Variants in PRORP observed in about 807,000 individuals in gnomAD.
The protein encoded by PRORP is protein only RNase P catalytic subunit.
PRORP carries 51 observed loss-of-function variants against 59.4 expected under a neutral mutation model. The ratio of observed to expected loss-of-function variants is 0.86; its 90% CI spans 0.69 to 1.08. PRORP has a LOEUF of 1.08. Among genes scored for constraint, PRORP ranks in the 50% least tolerant of loss-of-function variants. The probability of loss-of-function intolerance (pLI) is 0.00; values close to 1 mark genes in which losing one functional copy is unlikely to be tolerated. For synonymous variants in PRORP, 231 were observed against 245.6 expected (o/e 0.94, Z 0.55); for missense variants, 646 against 690.3 (o/e 0.94, Z 0.72).
intron 4 of PRORP, among the ~76,000 whole-genome samples, chr14:35,151,639 T>TACACACACACACAC (rs55940352): frequency 1.1e-3 from 152 of 141,834 alleles, no homozygotes; most frequent in African/African-American, 3.8e-3. Flanking sequence ...CACACACACA[T>TACACACACACACAC]ACACACACAC....
At chr14:35,271,601 C>A (rs184199782) in intron 7 of PRORP, among the ~76,000 whole-genome samples, 22 of 152,154 alleles carry the variant, frequency 1.4e-4, no homozygotes, top group African/African-American at 4.1e-4. Context: ...CAATTGAATT[C>A]TCCTTTGATT....
At chr14:35,136,774 T>C (rs1312334793) in intron 4 of PRORP, among the ~76,000 whole-genome samples, 1 of 144,588 alleles carries the variant, frequency 6.9e-6, no homozygotes, top group Non-Finnish European at 1.5e-5. Flanking sequence ...ATAATAGTAA[T>C]AGGTTAAATG....
chr14:35,146,893 A>C (rs950275243), intron 4 of PRORP, among the ~76,000 whole-genome samples: 3 of 152,134 alleles, frequency 2.0e-5, no homozygotes, highest in African/African-American at 7.2e-5. Context: ...GGAGTTCGAC[A>C]CCAGCCCGGG....
intron 5 of PRORP, among the ~76,000 whole-genome samples, chr14:35,250,535 G>C (rs560456305): frequency 6.6e-6 from 1 of 152,204 alleles, no homozygotes; most frequent in South Asian, 2.1e-4. Context: ...TTTCCAAGGA[G>C]TGCCAGACTA....
intron 5 of PRORP, among the ~76,000 whole-genome samples, chr14:35,264,393 A>T (rs532060100): frequency 6.6e-6 from 1 of 151,322 alleles, no homozygotes; most frequent in Non-Finnish European, 1.5e-5. Flanking sequence ...AGGTGCTGGG[A>T]TTACAGGTGA....
At chr14:35,200,715 T>G (rs2049126912) in intron 5 of PRORP, among the ~76,000 whole-genome samples, 1 of 151,796 alleles carries the variant, frequency 6.6e-6, no homozygotes, top group Non-Finnish European at 1.5e-5. Context: ...AGACTTTTAT[T>G]TTAGAAAAGT....
intron 5 of PRORP, among the ~76,000 whole-genome samples, chr14:35,239,970 G>T (rs2050319103): frequency 6.6e-6 from 1 of 151,824 alleles, no homozygotes; most frequent in South Asian, 2.1e-4. Flanking sequence ...AGCTACTCAG[G>T]AGGCTGAGAC....
chr14:35,267,461 G>A (rs1420069515), intron 6 of PRORP, among the ~76,000 whole-genome samples: 8 of 152,066 alleles, frequency 5.3e-5, no homozygotes, highest in Admixed American at 1.3e-4. Flanking sequence ...GGGAGAGGTG[G>A]TGGGAAGACC....
chr14:35,123,035 ATTG>A lies in PRORP; in HGVS notation c.-205_-203del. ...GGCTTGCGACGTTGGACATCCCCGG[ATTG>A]TTGTTTAATAGAGAAAACTCACCTG... is the stretch of plus-strand genomic sequence containing the variant. On this transcript the variant is annotated 5_prime_UTR_variant, in exon 2 of 8. Coordinates refer to ENST00000534898, the MANE Select transcript of PRORP (RefSeq NM_014672.4). 1.8e-6 allele frequency: 1 copy of A among 563,754 alleles called. No homozygotes were observed. The highest frequency in any genetic ancestry group is 3.0e-5 in the East Asian group (1 of 33,368). The allele number at this position is 563,754 out of a possible 1,614,324, so 34.9% of individuals were successfully genotyped here. A position where few individuals can be genotyped will look rare whatever the true frequency, so the allele number is the denominator to read the frequency against.
At chr14:35,235,473 C>G (rs2050187350) in intron 5 of PRORP, 1 of 637,818 alleles carries the variant, frequency 1.6e-6, no homozygotes. Context: ...AGCAGGAAGA[C>G]AACTAGCTTG....
chr14:35,151,901 AT>A (rs1293686759), intron 4 of PRORP, among the ~76,000 whole-genome samples: 4 of 135,176 alleles, frequency 3.0e-5, no homozygotes, highest in East Asian at 2.2e-4. Flanking sequence ...GTTATCTCTA[AT>A]TTTTTTTCTT....
chr14:35,252,179 C>A (rs1172387878), intron 5 of PRORP, among the ~76,000 whole-genome samples: 2 of 152,126 alleles, frequency 1.3e-5, no homozygotes, highest in Non-Finnish European at 2.9e-5. Flanking sequence ...AATCCCAACA[C>A]TTTGGGAGGC....
chr14:35,153,073 C>T (rs1481943766), intron 4 of PRORP, among the ~76,000 whole-genome samples: 1 of 152,214 alleles, frequency 6.6e-6, no homozygotes, highest in Non-Finnish European at 1.5e-5. Flanking sequence ...TAGCCGAGAT[C>T]ACGCCACTGC....
At chr14:35,268,718 C>T (rs989460379) in intron 6 of PRORP, among the ~76,000 whole-genome samples, 1 of 152,150 alleles carries the variant, frequency 6.6e-6, no homozygotes, top group Non-Finnish European at 1.5e-5. Context: ...GCCTCAGCCT[C>T]CCAAGTAGTT....
chr14:35,258,984 G>A (rs2050829459), intron 5 of PRORP, among the ~76,000 whole-genome samples: 1 of 152,154 alleles, frequency 6.6e-6, no homozygotes, highest in Non-Finnish European at 1.5e-5. Flanking sequence ...CTGGACGATG[G>A]TGTTGAGTTC....
chr14:35,196,865 A>C (rs1341899678), intron 5 of PRORP, among the ~76,000 whole-genome samples: 1 of 152,200 alleles, frequency 6.6e-6, no homozygotes, highest in Non-Finnish European at 1.5e-5. Flanking sequence ...ATTCTTACCA[A>C]CTGCTAATGA....
At chr14:35,202,808 T>C (rs886672849) in intron 5 of PRORP, among the ~76,000 whole-genome samples, 1 of 152,012 alleles carries the variant, frequency 6.6e-6, no homozygotes, top group African/African-American at 2.4e-5. Flanking sequence ...TAAAAAAAAA[T>C]TTTTTTGTAG....
intron 4 of PRORP, among the ~76,000 whole-genome samples, chr14:35,171,688 G>A (rs1001818500): frequency 6.6e-6 from 1 of 152,014 alleles, no homozygotes; most frequent in Non-Finnish European, 1.5e-5. Context: ...GGTAAGTTAT[G>A]TATTTCATCA....
intron 5 of PRORP, among the ~76,000 whole-genome samples, chr14:35,264,654 A>G (rs569020528): frequency 1.3e-5 from 2 of 152,310 alleles, no homozygotes; most frequent in East Asian, 1.9e-4. Context: ...CAAAAATTCA[A>G]TATCAGTCCA....
Sources: gnomAD v4.1 joint callset for allele counts (sites outside exome capture counted in the v4.1 genomes callset) on GRCh38, gnomAD v4.1.1 for gene constraint, MANE v1.5 for transcripts, NCBI Gene and HGNC (gene_info 2026-07-23, HGNC 2026-07-21) for gene names.